DLG2: variants seen among roughly 807,000 people sequenced by gnomAD.
DLG2 encodes the protein discs large MAGUK scaffold protein 2, also known as disks large homolog 2.
DLG2 carries 45 observed loss-of-function variants against 132.5 expected under a neutral mutation model. The observed-to-expected ratio is 0.34, with a 90% CI of 0.27 to 0.44. DLG2 has a LOEUF of 0.44. Among genes scored for constraint, DLG2 ranks in the 20% least tolerant of loss-of-function variants. The pLI, the probability that DLG2 is intolerant of heterozygous loss-of-function variation, is 1.00. For synonymous variants in DLG2, 424 were observed against 419.6 expected (o/e 1.01, Z -0.13); for missense variants, 1,045 against 1,196.9 (o/e 0.87, Z 1.87).
intron 7 of DLG2, among the ~76,000 whole-genome samples, chr11:84,507,083 A>G (rs1400756496): frequency 6.6e-6 from 1 of 152,180 alleles, no homozygotes; most frequent in African/African-American, 2.4e-5. Context: ...TAGCACCTCT[A>G]TTTCTCACTG....
At chr11:83,787,340 T>TTTTTTTTTTTTTTTTTTTTTG (rs66699053) in intron 17 of DLG2, among the ~76,000 whole-genome samples, 1 of 102,756 alleles carries the variant, frequency 9.7e-6, no homozygotes, top group Non-Finnish European at 1.8e-5. Context: ...TTTTTTTTTT[T>TTTTTTTTTTTTTTTTTTTTTG]AGACAGAGTC....
intron 19 of DLG2, among the ~76,000 whole-genome samples, chr11:83,602,026 G>A (rs77508465): frequency 0.029 from 4,474 of 152,266 alleles, 218 homozygotes; most frequent in African/African-American, 0.1. Context: ...CAGGAAGAAG[G>A]ATGAAGATTG....
chr11:85,044,986 C>G (rs1207213667), intron 6 of DLG2, among the ~76,000 whole-genome samples: 1 of 152,034 alleles, frequency 6.6e-6, no homozygotes, highest in Admixed American at 6.6e-5. Flanking sequence ...CCCGTTAATT[C>G]ATTTTGCTTT....
chr11:85,103,298 C>G (rs1028469586), intron 6 of DLG2, among the ~76,000 whole-genome samples: 6 of 151,832 alleles, frequency 4.0e-5, no homozygotes, highest in Non-Finnish European at 8.8e-5. Flanking sequence ...CCAGAATAGC[C>G]AAAACAATCT....
chr11:85,290,740 A>T (rs2078842059), intron 3 of DLG2, among the ~76,000 whole-genome samples: 4 of 152,056 alleles, frequency 2.6e-5, no homozygotes, highest in Admixed American at 6.5e-5. Context: ...AAACAAAAAA[A>T]TTGACTTCTA....
At chr11:84,356,274 C>A (rs1270639468) in intron 7 of DLG2, among the ~76,000 whole-genome samples, 1 of 152,102 alleles carries the variant, frequency 6.6e-6, no homozygotes, top group African/African-American at 2.4e-5. Context: ...CTTTGATGCA[C>A]TACTATTCAT....
intron 6 of DLG2, among the ~76,000 whole-genome samples, chr11:84,854,563 A>C (rs2082540238): frequency 6.6e-6 from 1 of 151,996 alleles, no homozygotes; most frequent in South Asian, 2.1e-4. Flanking sequence ...CATGAAGCCA[A>C]CTATTTCCCA....
intron 6 of DLG2, among the ~76,000 whole-genome samples, chr11:84,728,301 G>C (rs745962722): frequency 1.3e-5 from 2 of 152,106 alleles, no homozygotes; most frequent in African/African-American, 2.4e-5. Context: ...TAGCATGAAG[G>C]GGTGTTGAAT....
chr11:84,521,269 A>G (rs1181038948), intron 7 of DLG2, among the ~76,000 whole-genome samples: 1 of 152,192 alleles, frequency 6.6e-6, no homozygotes, highest in Non-Finnish European at 1.5e-5. Context: ...ACAATTTTCA[A>G]TAACATCCCC....
intron 19 of DLG2, among the ~76,000 whole-genome samples, chr11:83,557,863 A>G (rs1023199761): frequency 6.6e-6 from 1 of 152,172 alleles, no homozygotes; most frequent in Non-Finnish European, 1.5e-5. Flanking sequence ...TAATCAAGGC[A>G]GACTGTTTGT....
At chr11:84,798,718 G>A (rs1012196905) in intron 6 of DLG2, among the ~76,000 whole-genome samples, 3 of 152,128 alleles carry the variant, frequency 2.0e-5, no homozygotes, top group African/African-American at 4.8e-5. Context: ...TCCAACCTAA[G>A]GCCCAAAGCA....
intron 3 of DLG2, among the ~76,000 whole-genome samples, chr11:85,330,792 TAAAAA>T (rs56995757): frequency 4.3e-5 from 5 of 116,474 alleles, no homozygotes; most frequent in African/African-American, 1.6e-4. Context: ...AAAAAAAAAT[TAAAAA>T]AAAAAAAAAA....
chr11:85,035,851 C>T (rs910513936), intron 6 of DLG2, among the ~76,000 whole-genome samples: 4 of 152,080 alleles, frequency 2.6e-5, no homozygotes, highest in Admixed American at 2.6e-4. Flanking sequence ...GTTATGATAA[C>T]CCCCACCCAT....
At chr11:84,765,058 C>T (rs1001701218) in intron 6 of DLG2, among the ~76,000 whole-genome samples, 1 of 151,870 alleles carries the variant, frequency 6.6e-6, no homozygotes, top group Admixed American at 6.6e-5. Context: ...TATTTTGTAC[C>T]TTTCATATTA....
At chr11:83,670,015 T>G (rs893159501) in intron 18 of DLG2, among the ~76,000 whole-genome samples, 1 of 152,206 alleles carries the variant, frequency 6.6e-6, no homozygotes, top group African/African-American at 2.4e-5. Flanking sequence ...AATTCTTTGG[T>G]CTCTTAGCTC....
Position 83,718,442 on chromosome 11 carries a change from T to A in DLG2, c.1825+68248A>T, listed in dbSNP as rs575489124. 4.4e-4 allele frequency among the ~76,000 whole-genome samples: 64 copies of A among 146,336 alleles called. 1 individual carries two copies. The highest frequency in any genetic ancestry group is 1.6e-3 in the African/African-American group (62 of 39,206). On this transcript the variant is annotated intron_variant, in intron 18 of 27. Coordinates refer to ENST00000376104, the MANE Select transcript of DLG2 (RefSeq NM_001142699.3). ...AGGAGGTTGAGGCAGGAGAATTGCTTGAACCTGGGAGGCGGAGCTTGCAGT... is the reference window on the plus strand; with the variant it reads ...AGGAGGTTGAGGCAGGAGAATTGCTAGAACCTGGGAGGCGGAGCTTGCAGT...
intron 3 of DLG2, among the ~76,000 whole-genome samples, chr11:85,513,379 C>A (rs2094115361): frequency 6.6e-6 from 1 of 151,754 alleles, no homozygotes; most frequent in African/African-American, 2.4e-5. Flanking sequence ...TTAATATGAA[C>A]CAAAAGAAAA....
intron 4 of DLG2, among the ~76,000 whole-genome samples, chr11:85,272,490 T>C (rs2077598167): frequency 6.6e-6 from 1 of 152,156 alleles, no homozygotes; most frequent in African/African-American, 2.4e-5. Context: ...GAGGCAGAAT[T>C]CCTTCTCCAG....
rs184203477 is a variant in DLG2, at chr11:83,851,789, G to A, written c.1566-18019C>T. ...ACAAAAATTAGCCGGGCATGGTGGC[G>A]GGCACCTGTAATCCCAGCTACTCAG... is the stretch of plus-strand genomic sequence containing the variant. On this transcript the variant is annotated intron_variant, in intron 16 of 27. Transcript: ENST00000376104. Among the ~76,000 whole-genome samples the A allele has an allele frequency of 2.3e-3, 337 of 149,088 alleles. 2 individuals are homozygous for A. The highest frequency in any genetic ancestry group is 0.018 in the Middle Eastern group (5 of 282).
Sources: gnomAD v4.1 joint callset for allele counts (sites outside exome capture counted in the v4.1 genomes callset) on GRCh38, gnomAD v4.1.1 for gene constraint, MANE v1.5 for transcripts, NCBI Gene and HGNC (gene_info 2026-07-23, HGNC 2026-07-21) for gene names.